Variants in RASA1 observed in about 807,000 individuals in gnomAD.
RASA1 encodes RAS p21 protein activator 1, also known as ras GTPase-activating protein 1.
Under a neutral mutation model 132.2 loss-of-function variants are expected in RASA1, and 25 were observed. That is an observed-to-expected ratio of 0.19 (90% CI 0.14 to 0.26). RASA1 has a LOEUF of 0.26. Among genes scored for constraint, RASA1 ranks in the 10% least tolerant of loss-of-function variants. The pLI is 1.00. For missense variants in RASA1, 964 were observed against 1,299.2 expected (o/e 0.74, Z 3.97); for synonymous variants, 477 against 449.9 (o/e 1.06, Z -0.76).
At position 87,294,820 on chromosome 5, in the gene RASA1, G is replaced by A. The variant is rs567541117; in HGVS notation, c.539+25830G>A. On this transcript the variant is annotated intron_variant, in intron 1 of 24. Coordinates refer to ENST00000274376, the MANE Select transcript of RASA1 (RefSeq NM_002890.3). ...CGAGCTTGGAGAGAATGTGCAGTCT[G>A]CTGTTGTTGGATGAAGTAGTCTATA... 1.1e-3 allele frequency among the ~76,000 whole-genome samples: 174 copies of A among 152,290 alleles called. 2 individuals carry two copies. Among genetic ancestry groups the A allele is most frequent in the African/African-American group, 4.1e-3 (169 of 41,556 alleles).
chr5:87,296,521 T>C lies in RASA1; in HGVS notation c.539+27531T>C, dbSNP rs117539440. 2.6e-5 allele frequency among the ~76,000 whole-genome samples: 4 copies of C among 152,330 alleles called. No individual in the cohort carries two copies. The East Asian group carries it at 7.7e-4, about 29-fold the overall frequency. On this transcript the variant is annotated intron_variant, in intron 1 of 24. Coordinates refer to ENST00000274376, the MANE Select transcript of RASA1 (RefSeq NM_002890.3). ...TACTGGCAACACAAGTCTTCAATTTTTGTTTGTCTGAGAATGTCTTTATGT... is the reference window on the plus strand; with the variant it reads ...TACTGGCAACACAAGTCTTCAATTTCTGTTTGTCTGAGAATGTCTTTATGT...
intron 10 of RASA1, among the ~76,000 whole-genome samples, chr5:87,363,140 T>C (rs1760242299): frequency 6.6e-6 from 1 of 152,010 alleles, no homozygotes; most frequent in Non-Finnish European, 1.5e-5. Flanking sequence ...TTCTCAGCAT[T>C]TACTCTGTGA....
chr5:87,361,509 C>A (rs577394205), intron 9 of RASA1, among the ~76,000 whole-genome samples: 1 of 152,190 alleles, frequency 6.6e-6, no homozygotes, highest in South Asian at 2.1e-4. Context: ...AAATATGAAT[C>A]CTTGCAAAAT....
At chr5:87,291,131 T>C (rs1403415321) in intron 1 of RASA1, among the ~76,000 whole-genome samples, 1 of 152,218 alleles carries the variant, frequency 6.6e-6, no homozygotes. Flanking sequence ...GCCAGATTTT[T>C]GGATTTTGGC....
chr5:87,268,802 C>A lies in RASA1; in HGVS notation c.351C>A (p.Thr117=). The change falls in exon 1 of 25, where the codon ACC becomes ACA. Residue 117 remains threonine, a synonymous_variant. Transcript: ENST00000274376. ...VAGPSGDMAL[T]KLPTSLLAET... ...GACCTAGTGGAGACATGGCTCTCAC[C>A]AAACTGCCCACTTCGTTGCTTGCTG... The A allele has an allele frequency of 6.2e-7, 1 of 1,614,104 alleles. No homozygotes were observed. Among genetic ancestry groups the A allele is most frequent in the Non-Finnish European group, 8.5e-7 (1 of 1,180,028 alleles).
In RASA1 at chr5:87,331,367, G is replaced by T; in HGVS notation, c.559G>T (p.Asp187Tyr). 1.2e-6 allele frequency: 2 copies of T among 1,611,194 alleles called. No individual in the cohort carries two copies. The highest frequency in any genetic ancestry group is 1.7e-6 in the Non-Finnish European group (2 of 1,177,416). ...CCCTAGGTGGTATCACGGAAAACTT[G>T]ACAGAACGATAGCAGAAGAACGCCT... is the stretch of plus-strand genomic sequence containing the variant. ...PTNQWYHGKL[D>Y]RTIAEERLRQ... The change falls in exon 2 of 25, where the codon GAC (aspartate) becomes TAC (tyrosine). Residue 187 changes from aspartate to tyrosine, a missense_variant. Physicochemically the swap from Asp to Tyr is radical, Grantham distance 160. This residue lies in a region of RASA1 where 326 missense variants were observed against 275.8 expected (regional missense o/e 1.18). Coordinates refer to ENST00000274376, the MANE Select transcript of RASA1 (RefSeq NM_002890.3).
intron 1 of RASA1, among the ~76,000 whole-genome samples, chr5:87,282,700 T>TA (rs1387834435): frequency 6.6e-6 from 1 of 152,210 alleles, no homozygotes; most frequent in Non-Finnish European, 1.5e-5. Flanking sequence ...GTTACTGTCT[T>TA]ACAGATCCTC....
chr5:87,377,262 A>G, intron 17 of RASA1: 1 of 557,560 alleles, frequency 1.8e-6, no homozygotes, highest in Non-Finnish European at 3.2e-6. Flanking sequence ...GATAAGTACT[A>G]GAAGCCACAA....
At chr5:87,289,644 T>A (rs1754827034) in intron 1 of RASA1, among the ~76,000 whole-genome samples, 1 of 152,140 alleles carries the variant, frequency 6.6e-6, no homozygotes, top group Non-Finnish European at 1.5e-5. Flanking sequence ...AAGGTCTTGC[T>A]TTGTTTCTCA....
rs1459643901 is a variant in RASA1 at position 87,363,499 on chromosome 5, T to C, written c.1605T>C (p.Phe535=). 7 of 1,611,220 alleles carry C rather than the reference T, an allele frequency of 4.3e-6. No homozygotes were observed. The highest frequency in any genetic ancestry group is 3.3e-5 in the Admixed American group (2 of 59,944). ...TCTATGTCGTTCATGATAGTCTCTT[T>C]GGCAGGTAAGAGACTGGTTTCCTAT... ...CSVYVVHDSL[F]GRPNCFQIVV... is the part of the protein sequence containing the mutation. The change falls in exon 11 of 25, where the codon TTT becomes TTC. Residue 535 remains phenylalanine (F), a synonymous_variant. Transcript: ENST00000274376.
At chr5:87,301,397 T>C (rs1472992225) in intron 1 of RASA1, among the ~76,000 whole-genome samples, 1 of 152,130 alleles carries the variant, frequency 6.6e-6, no homozygotes, top group Non-Finnish European at 1.5e-5. Context: ...TTCAGCACAA[T>C]GAATTTTAAC....
chr5:87,287,784 A>G (rs1284894839), intron 1 of RASA1, among the ~76,000 whole-genome samples: 1 of 102,488 alleles, frequency 9.8e-6, no homozygotes, highest in Non-Finnish European at 2.1e-5. Flanking sequence ...CCATATATGT[A>G]CACGCCATAT....
intron 1 of RASA1, among the ~76,000 whole-genome samples, chr5:87,286,395 C>G (rs1754567243): frequency 6.6e-6 from 1 of 151,608 alleles, no homozygotes; most frequent in Non-Finnish European, 1.5e-5. Context: ...ATTGATAACT[C>G]TTTATTATTG....
At chr5:87,284,078 A>G (rs1215434770) in intron 1 of RASA1, among the ~76,000 whole-genome samples, 2 of 152,148 alleles carry the variant, frequency 1.3e-5, no homozygotes, top group Non-Finnish European at 2.9e-5. Flanking sequence ...TTCAAGACAA[A>G]TGCAGAAATA....
chr5:87,309,924 ATTAAATTT>A (rs1755795053), intron 1 of RASA1, among the ~76,000 whole-genome samples: 1 of 152,126 alleles, frequency 6.6e-6, no homozygotes, highest in African/African-American at 2.4e-5. Context: ...TCTATTATAC[ATTAAATTT>A]TTATATGTGA....
chr5:87,369,668 A>T, intron 11 of RASA1, 145 bp from the exon 12 acceptor site: 1 of 583,848 alleles, frequency 1.7e-6, no homozygotes, highest in Admixed American at 3.1e-5. Context: ...ACTTTTTTTT[A>T]GTAATGATCT....
intron 23 of RASA1, among the ~76,000 whole-genome samples, chr5:87,387,915 G>T (rs891823362): frequency 2.0e-5 from 3 of 152,122 alleles, no homozygotes; most frequent in Admixed American, 6.5e-5. Context: ...TGTGTGAGAA[G>T]TTATGCCACA....
chr5:87,311,153 A>T lies in RASA1; in HGVS notation c.540-20195A>T, dbSNP rs1196312941. Among the ~76,000 whole-genome samples, 4 of 152,180 alleles carry T rather than the reference A, an allele frequency of 2.6e-5. No homozygotes were observed. In the East Asian group the frequency reaches 7.7e-4, roughly 29 times the overall value. ...GAACTAGCCACTTCTTTTATGACAC[A>T]TTAGTTTTACTTTGAAAAATAGCTG... On this transcript the variant is annotated intron_variant, in intron 1 of 24. Transcript: ENST00000274376.
chr5:87,376,325 A>G, intron 15 of RASA1, 68 bp from the exon 16 acceptor site: 1 of 1,569,510 alleles, frequency 6.4e-7, no homozygotes, highest in African/African-American at 1.4e-5. Flanking sequence ...AACACCAGGA[A>G]AATTTACTTG....
Sources: gnomAD v4.1 joint callset for allele counts (sites outside exome capture counted in the v4.1 genomes callset) on GRCh38, gnomAD v4.1.1 for gene constraint, gnomAD v4.1.1 regional missense constraint, MANE v1.5 for transcripts, NCBI Gene and HGNC (gene_info 2026-07-23, HGNC 2026-07-21) for gene names.